Variants in PITPNC1 observed in about 807,000 individuals in gnomAD.
PITPNC1 encodes the protein cytoplasmic phosphatidylinositol transfer protein 1.
Under a neutral mutation model 44.7 loss-of-function variants are expected in PITPNC1, and 18 were observed. The ratio of observed to expected loss-of-function variants is 0.40; its 90% confidence interval spans 0.28 to 0.60. PITPNC1 has a LOEUF of 0.60. Ranked by LOEUF, PITPNC1 falls within the 20% of genes least tolerant of loss-of-function variation. The pLI is 0.39. For missense variants in PITPNC1, 290 were observed against 418.4 expected, an observed-to-expected ratio of 0.69 and a Z score of 2.68; for synonymous variants, 141 against 149.6, an observed-to-expected ratio of 0.94 and a Z score of 0.42.
At chr17:67,626,742 C>T (rs1349849823) in intron 5 of PITPNC1, among the ~76,000 whole-genome samples, 1 of 151,832 alleles carries the variant, frequency 6.6e-6, no homozygotes, top group Non-Finnish European at 1.5e-5. Flanking sequence ...GAGGCTGTCA[C>T]CCTGCACTGA....
chr17:67,503,679 G>A (rs937107203), intron 1 of PITPNC1, among the ~76,000 whole-genome samples: 22 of 152,264 alleles, frequency 1.4e-4, no homozygotes, highest in African/African-American at 5.1e-4. Flanking sequence ...ATTTTTTAGA[G>A]GAAAGGGAGA....
chr17:67,548,506 G>A (rs1027516285), intron 2 of PITPNC1, among the ~76,000 whole-genome samples: 23 of 152,122 alleles, frequency 1.5e-4, no homozygotes, highest in Non-Finnish European at 2.9e-4. Flanking sequence ...CTGGAGAATC[G>A]CTTGGACCTG....
In PITPNC1 at chr17:67,440,498, TTTTATTTATTTATTTA is replaced by T. The variant is rs59003947; in HGVS notation, c.48+62332_48+62347del. On this transcript the variant is annotated intron_variant, in intron 1 of 8. Transcript: ENST00000581322. ...TGGAGATGTTTTCTCTTGCAAGACTTTTTATTTATTTATTTATTTATTTATTTATTTATTTATTTAT... is the reference window on the plus strand; with the variant it reads ...TGGAGATGTTTTCTCTTGCAAGACTTTTTATTTATTTATTTATTTATTTAT... 1.9e-3 allele frequency among the ~76,000 whole-genome samples: 262 copies of T among 137,632 alleles called. 1 individual carries two copies. Among genetic ancestry groups the T allele is most frequent in the Admixed American group, 3.4e-3 (46 of 13,430 alleles). 90.3% of individuals were successfully genotyped at this position (137,632 alleles called of 152,430 possible).
chr17:67,537,989 A>G (rs1175766063), intron 2 of PITPNC1, among the ~76,000 whole-genome samples: 1 of 151,886 alleles, frequency 6.6e-6, no homozygotes, highest in East Asian at 1.9e-4. Flanking sequence ...AAAAAAAAAA[A>G]GAACTGGAGG....
At chr17:67,410,138 T>C (rs2038472368) in intron 1 of PITPNC1, among the ~76,000 whole-genome samples, 1 of 152,230 alleles carries the variant, frequency 6.6e-6, no homozygotes, top group Admixed American at 6.5e-5. Flanking sequence ...CTGTCTCTCA[T>C]TGAAAAAAGT....
chr17:67,486,424 G>A lies in PITPNC1; in HGVS notation c.49-46378G>A, dbSNP rs570203239. Among the ~76,000 whole-genome samples the A allele has an allele frequency of 2.0e-5, 3 of 152,290 alleles. No homozygotes were observed. In the South Asian group the frequency reaches 6.2e-4, roughly 32 times the overall value. On this transcript the variant is annotated intron_variant, in intron 1 of 8. Transcript: ENST00000581322. Reference sequence around the variant, plus strand: ...AGACCTCTTCTTCCTCCTATGGCAAGTCTGTATGTAGTCTTGCTAAGCTTG... The same window carrying A: ...AGACCTCTTCTTCCTCCTATGGCAAATCTGTATGTAGTCTTGCTAAGCTTG...
intron 1 of PITPNC1, among the ~76,000 whole-genome samples, chr17:67,467,729 T>C (rs2039448957): frequency 6.6e-6 from 1 of 152,204 alleles, no homozygotes; most frequent in South Asian, 2.1e-4. Flanking sequence ...CAGGTGCATG[T>C]TGCCTTTGGG....
At chr17:67,516,678 T>G (rs1394115223) in intron 1 of PITPNC1, among the ~76,000 whole-genome samples, 1 of 152,110 alleles carries the variant, frequency 6.6e-6, no homozygotes, top group South Asian at 2.1e-4. Flanking sequence ...CAGGCTGGAG[T>G]GCAGTAGCGC....
At chr17:67,533,116 G>A (rs970944214) in intron 2 of PITPNC1, among the ~76,000 whole-genome samples, 166 bp downstream of exon 2, 4 of 152,112 alleles carry the variant, frequency 2.6e-5, no homozygotes, top group Non-Finnish European at 5.9e-5. Flanking sequence ...GAATCTGCCC[G>A]AGCGAGGTGG....
rs35933545 is a variant in PITPNC1, at chr17:67,610,919, C to CAA, written c.367-21209_367-21208dup. On this transcript the variant is annotated intron_variant, in intron 5 of 8. Transcript: ENST00000581322. ...CTGGCGACAGGGTGAGACTCTGTCTCAAAAAAAAAAAAAAAAGAAAAAGAA... is the reference window on the plus strand; with the variant it reads ...CTGGCGACAGGGTGAGACTCTGTCTCAAAAAAAAAAAAAAAAAAGAAAAAGAA... 1.5e-4 allele frequency among the ~76,000 whole-genome samples: 12 copies of CAA among 81,314 alleles called. 1 individual carries two copies. Among genetic ancestry groups the CAA allele is most frequent in the South Asian group, 1.1e-3 (3 of 2,636 alleles). 53.3% of individuals were successfully genotyped at this position (81,314 alleles called of 152,430 possible). A position where few individuals can be genotyped will look rare whatever the true frequency, so the allele number is the denominator to read the frequency against.
chr17:67,543,943 C>T (rs2040642550), intron 2 of PITPNC1, among the ~76,000 whole-genome samples: 1 of 152,148 alleles, frequency 6.6e-6, no homozygotes, highest in African/African-American at 2.4e-5. Context: ...CTCCGCCTCC[C>T]AGGTTCAAGC....
chr17:67,682,666 C>T (rs1184821702), intron 8 of PITPNC1, among the ~76,000 whole-genome samples: 1 of 152,154 alleles, frequency 6.6e-6, no homozygotes, highest in Non-Finnish European at 1.5e-5. Flanking sequence ...TATTAGGATG[C>T]ACTTTCTTTA....
In PITPNC1 at chr17:67,500,483, G is replaced by A. The variant is rs375778668; in HGVS notation, c.49-32319G>A. ...TTGATGAGTCATTGCCAGGGGCCTC[G>A]AGGAATACCATTAACTGCTTATGGG... On this transcript the variant is annotated intron_variant, in intron 1 of 8. Coordinates refer to ENST00000581322, the MANE Select transcript of PITPNC1 (RefSeq NM_012417.4). Among the ~76,000 whole-genome samples the A allele has an allele frequency of 7.2e-5, 11 of 152,200 alleles. No individual in the cohort carries two copies. In the South Asian group the frequency reaches 1.5e-3, roughly 20 times the overall value.
chr17:67,690,391 T>G (rs1463777543), intron 8 of PITPNC1, among the ~76,000 whole-genome samples: 3 of 145,822 alleles, frequency 2.1e-5, no homozygotes, highest in Admixed American at 1.5e-4. Context: ...GAAGTTGCAG[T>G]GAGCCGAGAT....
At chr17:67,690,470 G>GA (rs2042903712) in intron 8 of PITPNC1, among the ~76,000 whole-genome samples, 1 of 141,930 alleles carries the variant, frequency 7.0e-6, no homozygotes, top group Non-Finnish European at 1.6e-5. Flanking sequence ...AAAAGAAAAA[G>GA]AAAAGTCCTA....
intron 1 of PITPNC1, among the ~76,000 whole-genome samples, chr17:67,456,756 G>A (rs1179007556): frequency 6.6e-6 from 1 of 151,772 alleles, no homozygotes; most frequent in Non-Finnish European, 1.5e-5. Flanking sequence ...ATTTACTAGG[G>A]TCTTTACTCG....
intron 5 of PITPNC1, among the ~76,000 whole-genome samples, chr17:67,593,459 G>A (rs997560480): frequency 6.6e-6 from 1 of 152,030 alleles, no homozygotes; most frequent in Non-Finnish European, 1.5e-5. Context: ...GAGTGCAGTG[G>A]TGTGATCTTG....
At chr17:67,590,914 T>C (rs1462944776) in intron 5 of PITPNC1, among the ~76,000 whole-genome samples, 1 of 151,154 alleles carries the variant, frequency 6.6e-6, no homozygotes, top group Non-Finnish European at 1.5e-5. Flanking sequence ...GAATGTGCCA[T>C]TGCACTCCAG....
At chr17:67,450,571 G>A (rs1437165763) in intron 1 of PITPNC1, among the ~76,000 whole-genome samples, 1 of 151,882 alleles carries the variant, frequency 6.6e-6, no homozygotes, top group Non-Finnish European at 1.5e-5. Context: ...GACTACAGGC[G>A]CACACCACCG....
Sources: allele counts gnomAD v4.1 joint callset (sites outside exome capture counted in the v4.1 genomes callset), GRCh38; gene constraint gnomAD v4.1.1; transcripts MANE v1.5; gene names NCBI Gene and HGNC (gene_info 2026-07-23, HGNC 2026-07-21).